Variants in S100B observed in about 807,000 individuals in gnomAD.
S100B encodes protein S100-B.
Under a neutral mutation model 7.7 loss-of-function variants are expected in S100B, and 6 were observed. That is an observed-to-expected ratio of 0.78 (90% CI 0.43 to 1.54). The LOEUF (loss-of-function observed/expected upper bound fraction) is 1.54, where lower values mean the gene tolerates loss of function less well. Ranked by LOEUF, S100B falls within the 40% of genes most tolerant of loss-of-function variation. S100B has a pLI of 0.01. For missense variants in S100B, 99 were observed against 111.8 expected, an observed-to-expected ratio of 0.89 and a Z score of 0.52; for synonymous variants, 36 against 40.4, an observed-to-expected ratio of 0.89 and a Z score of 0.41.
chr21:46,600,277 C>T, intron 2 of S100B: 1 of 375,904 alleles, frequency 2.7e-6, no homozygotes, highest in South Asian at 1.9e-5. Flanking sequence ...CACGGTGGCT[C>T]ACACCTGTAA....
intron 2 of S100B, 27 bp from the exon 3 acceptor site, chr21:46,599,530 C>T (rs1601892858): frequency 2.5e-6 from 4 of 1,612,022 alleles, no homozygotes; most frequent in African/African-American, 1.3e-5. Flanking sequence ...GAGTTGCCGA[C>T]CTTGTTTTTA....
intron 2 of S100B, chr21:46,600,483 TGCAATGA>T (rs1383910171): frequency 5.6e-6 from 2 of 354,874 alleles, no homozygotes; most frequent in Non-Finnish European, 5.6e-6. Context: ...AGGTTGAGGC[TGCAATGA>T]GCCAAGATTG....
At chr21:46,602,535 T>C (rs2061044584) in intron 1 of S100B, 119 bp from the exon 2 acceptor site, 2 of 1,045,406 alleles carry the variant, frequency 1.9e-6, no homozygotes, top group South Asian at 3.3e-5. Flanking sequence ...GGCACTCTTT[T>C]CAAGCTCAGA....
Position 46,599,406 on chromosome 21 carries a change from G to A in S100B, c.236C>T (p.Ala79Val), listed in dbSNP as rs2148943517. 1 of 1,613,900 alleles carries A rather than the reference G, an allele frequency of 6.2e-7. No individual in the cohort carries two copies. Among genetic ancestry groups the A allele is most frequent in the East Asian group, 2.2e-5 (1 of 44,876 alleles). Residue 79 changes from alanine to valine, a missense_variant, in exon 3 of 3, where the codon GCC becomes GTC. By Grantham distance (64) the Ala-to-Val change is moderately conservative. Coordinates refer to ENST00000291700, the MANE Select transcript of S100B (RefSeq NM_006272.3). ...CTCGTGGCAGGCAGTAGTAACCATG[G>A]CAACAAAGGCCATGAATTCCTGGAA... ...CDFQEFMAFVAMVTTACHEFF... is the reference protein window; with the variant it reads ...CDFQEFMAFVVMVTTACHEFF...
At chr21:46,599,574 AG>A (rs1452204073) in intron 2 of S100B, 71 bp from the exon 3 acceptor site, 7 of 1,330,230 alleles carry the variant, frequency 5.3e-6, no homozygotes, top group Non-Finnish European at 6.5e-6. Context: ...CATGATTAAA[AG>A]TTGAGTGACT....
chr21:46,599,308 C>A lies in S100B; in HGVS notation c.*55G>T. 6.4e-7 allele frequency: 1 copy of A among 1,556,780 alleles called. No individual in the cohort carries two copies. Among genetic ancestry groups the A allele is most frequent in the South Asian group, 1.1e-5 (1 of 87,440 alleles). On this transcript the variant is annotated 3_prime_UTR_variant, in exon 3 of 3. Coordinates refer to ENST00000291700, the MANE Select transcript of S100B (RefSeq NM_006272.3). ...CTACTAGGCTGCAAGCCCTTGCTGT[C>A]TGCTTTCTTGCATGACCGTCTCTGT...
rs570728788 is a variant in S100B, at chr21:46,598,659, C to T, written c.*704G>A. Among the ~76,000 whole-genome samples, 1 of 152,354 alleles carries T rather than the reference C, an allele frequency of 6.6e-6. No individual in the cohort carries two copies. The highest frequency in any genetic ancestry group is 2.1e-4 in the South Asian group (1 of 4,828). On this transcript the variant is annotated 3_prime_UTR_variant, in exon 3 of 3. Coordinates refer to ENST00000291700, the MANE Select transcript of S100B (RefSeq NM_006272.3). The stretch of plus-strand genomic sequence containing the variant: ...GGCCCTCGCGGTGGCTCAGAGCCCC[C>T]GGTAGTGCCCTCGGAAGCCGCATGT...
intron 1 of S100B, among the ~76,000 whole-genome samples, chr21:46,603,392 A>AGGAGGGGGCGGGGG (rs1555923742): frequency 2.6e-5 from 1 of 38,206 alleles, no homozygotes; most frequent in Non-Finnish European, 4.9e-5. Flanking sequence ...GGACGGCGGG[A>AGGAGGGGGCGGGGG]GGGGGTGGGG....
Position 46,600,655 on chromosome 21 carries a change from T to C in S100B, c.139-1152A>G, listed in dbSNP as rs371093021. 7.2e-5 allele frequency among the ~76,000 whole-genome samples: 11 copies of C among 152,194 alleles called. No homozygotes were observed. In the East Asian group the frequency reaches 2.1e-3, roughly 29 times the overall value. ...CAGGGCACTAACTTCAATTATATTA[T>C]ACATCTGCTTCCGAACTGAAATTAC... is the stretch of plus-strand genomic sequence containing the variant. On this transcript the variant is annotated intron_variant, in intron 2 of 2. Transcript: ENST00000291700.
chr21:46,603,398 T>TGGGGGGGGGGGGGGGG, intron 1 of S100B, among the ~76,000 whole-genome samples: 34 of 52,056 alleles, frequency 6.5e-4, no homozygotes, highest in Non-Finnish European at 9.8e-4. Flanking sequence ...CGGGAGGGGG[T>TGGGGGGGGGGGGGGGG]GGGGGCAGGA....
chr21:46,604,802 A>C (rs978205659), intron 1 of S100B, among the ~76,000 whole-genome samples: 2 of 152,184 alleles, frequency 1.3e-5, no homozygotes, highest in Admixed American at 6.5e-5. Context: ...ACACACCTCT[A>C]GCTGTCTAGG....
At chr21:46,604,046 A>G (rs1000253369) in intron 1 of S100B, among the ~76,000 whole-genome samples, 1 of 151,972 alleles carries the variant, frequency 6.6e-6, no homozygotes, top group African/African-American at 2.4e-5. Flanking sequence ...GGGGAAAAGG[A>G]GGTTAAATTG....
chr21:46,603,398 T>TGGGGGGGAGGGGGGGGC, intron 1 of S100B, among the ~76,000 whole-genome samples: 2 of 52,070 alleles, frequency 3.8e-5, no homozygotes, highest in African/African-American at 7.1e-5. Flanking sequence ...CGGGAGGGGG[T>TGGGGGGGAGGGGGGGGC]GGGGGCAGGA....
intron 1 of S100B, among the ~76,000 whole-genome samples, chr21:46,604,593 T>C (rs532444916): frequency 4.6e-5 from 7 of 152,268 alleles, no homozygotes; most frequent in African/African-American, 1.7e-4. Flanking sequence ...GGAAGAAATA[T>C]AAGGAGAAAA....
rs772740800 is a variant in S100B, at chr21:46,599,479, C to G, written c.163G>C (p.Asp55His). 2 of 1,613,974 alleles carry G rather than the reference C, an allele frequency of 1.2e-6. No homozygotes were observed. The highest frequency in any genetic ancestry group is 2.2e-5 in the South Asian group (2 of 91,074). Residue 55 changes from aspartate to histidine, a missense_variant, in exon 3 of 3, where the codon GAC (aspartate) becomes CAC (histidine). By Grantham distance (81) the Asp-to-His change is moderately conservative (BLOSUM62 -1). Transcript: ENST00000291700. ...LEEIKEQEVV[D>H]KVMETLDNDG... Reference sequence around the variant, plus strand: ...TTGTCCAGTGTTTCCATGACTTTGTCCACAACCTCCTGCTCTTTGATTTCC... The same window carrying G: ...TTGTCCAGTGTTTCCATGACTTTGTGCACAACCTCCTGCTCTTTGATTTCC...
rs192550187 is a variant in S100B at position 46,598,774 on chromosome 21, C to G, written c.*589G>C. Reference sequence around the variant, plus strand: ...CACGCTGGAGCCCCCAGAGCTGGCTCGGATTGCGAGTTCTGATGGAGTTGC... The same window carrying G: ...CACGCTGGAGCCCCCAGAGCTGGCTGGGATTGCGAGTTCTGATGGAGTTGC... On this transcript the variant is annotated 3_prime_UTR_variant, in exon 3 of 3. Transcript: ENST00000291700. 6.6e-6 allele frequency among the ~76,000 whole-genome samples: 1 copy of G among 152,212 alleles called. No homozygotes were observed. Among genetic ancestry groups the G allele is most frequent in the Non-Finnish European group, 1.5e-5 (1 of 68,040 alleles).
At chr21:46,602,022 T>G (rs1478861037) in intron 2 of S100B, among the ~76,000 whole-genome samples, 1 of 152,214 alleles carries the variant, frequency 6.6e-6, no homozygotes, top group African/African-American at 2.4e-5. Context: ...CTAGCATTAT[T>G]TGGGACGCTT....
rs926220600 is a variant in S100B at position 46,598,685 on chromosome 21, G to C, written c.*678C>G. ...GGTAGTGCCCTCGGAAGCCGCATGTGCTGGAGGCACGTTGGAGGCAAGGAT... is the reference window on the plus strand; with the variant it reads ...GGTAGTGCCCTCGGAAGCCGCATGTCCTGGAGGCACGTTGGAGGCAAGGAT... On this transcript the variant is annotated 3_prime_UTR_variant, in exon 3 of 3. Coordinates refer to ENST00000291700, the MANE Select transcript of S100B (RefSeq NM_006272.3). 1.3e-5 allele frequency among the ~76,000 whole-genome samples: 2 copies of C among 152,250 alleles called. No homozygotes were observed. The highest frequency in any genetic ancestry group is 6.5e-5 in the Admixed American group (1 of 15,294).
At position 46,604,128 on chromosome 21, in the gene S100B, A is replaced by G. The variant is rs767960478; in HGVS notation, c.-2+885T>C. 5.3e-5 allele frequency among the ~76,000 whole-genome samples: 8 copies of G among 152,224 alleles called. 1 individual carries two copies. The highest frequency in any genetic ancestry group is 7.4e-5 in the Non-Finnish European group (5 of 68,020). ...TAAAACATGTATCCCATATATTAGA[A>G]CACTAATAGAAACCACTAGAAAATA... is the stretch of plus-strand genomic sequence containing the variant. On this transcript the variant is annotated intron_variant, in intron 1 of 2. Coordinates refer to ENST00000291700, the MANE Select transcript of S100B (RefSeq NM_006272.3).
Sources: gnomAD v4.1 joint callset for allele counts (sites outside exome capture counted in the v4.1 genomes callset) on GRCh38, gnomAD v4.1.1 for gene constraint, MANE v1.5 for transcripts, NCBI Gene and HGNC (gene_info 2026-07-23, HGNC 2026-07-21) for gene names.